Variants in CFAP206 observed in about 807,000 individuals in gnomAD.
CFAP206 encodes cilia- and flagella-associated protein 206.
Under a neutral mutation model 65.4 loss-of-function variants are expected in CFAP206, and 53 were observed. The ratio of observed to expected loss-of-function variants is 0.81; its 90% CI spans 0.65 to 1.02. The LOEUF (loss-of-function observed/expected upper bound fraction) is 1.02, where lower values mean the gene tolerates loss of function less well. Among genes scored for constraint, CFAP206 ranks in the 50% least tolerant of loss-of-function variants. CFAP206 has a pLI of 0.00. For synonymous variants in CFAP206, 250 were observed against 254.4 expected, an observed-to-expected ratio of 0.98 and a Z score of 0.17; for missense variants, 663 against 753.2, an observed-to-expected ratio of 0.88 and a Z score of 1.40.
At chr6:87,420,446 G>A (rs1303533718) in intron 7 of CFAP206, among the ~76,000 whole-genome samples, 3 of 152,224 alleles carry the variant, frequency 2.0e-5, no homozygotes, top group Admixed American at 2.0e-4. Flanking sequence ...AGGACAGTGA[G>A]TAAAATGTAG....
chr6:87,416,580 A>G (rs1767832894), intron 5 of CFAP206, 89 bp from the exon 6 acceptor site: 1 of 1,217,978 alleles, frequency 8.2e-7, no homozygotes, highest in Non-Finnish European at 1.1e-6. Context: ...CAGACCCTTA[A>G]CTTGCTGCTA....
At chr6:87,427,639 C>G (rs1231318646) in intron 8 of CFAP206, among the ~76,000 whole-genome samples, 1 of 152,168 alleles carries the variant, frequency 6.6e-6, no homozygotes, top group African/African-American at 2.4e-5. Flanking sequence ...AAATATTTAA[C>G]TTGCAGCTCA....
chr6:87,453,617 T>C (rs1214992385), intron 11 of CFAP206, among the ~76,000 whole-genome samples: 4 of 152,164 alleles, frequency 2.6e-5, no homozygotes, highest in Non-Finnish European at 5.9e-5. Context: ...GTAGAGTTTT[T>C]ATCAGTTTTT....
chr6:87,428,749 C>A lies in CFAP206; in HGVS notation c.1084C>A (p.Pro362Thr). The A allele has an allele frequency of 6.2e-7, 1 of 1,614,092 alleles. No individual in the cohort carries two copies. The highest frequency in any genetic ancestry group is 1.3e-5 in the African/African-American group (1 of 75,016). Reference sequence around the variant, plus strand: ...CTTGGGTGCTCACGAACTATACTTTCCTGAGAGAGTGATGCAATGTCATCT... The same window carrying A: ...CTTGGGTGCTCACGAACTATACTTTACTGAGAGAGTGATGCAATGTCATCT... ...PFLGAHELYF[P>T]ERVMQCHLNG... The change falls in exon 9 of 13, where the codon CCT becomes ACT. Residue 362 changes from proline to threonine, a missense_variant. By Grantham distance (38) the Pro-to-Thr change is conservative. Transcript: ENST00000369562.
chr6:87,448,679 C>CCACTAT (rs1768488595), intron 11 of CFAP206, among the ~76,000 whole-genome samples: 1 of 152,150 alleles, frequency 6.6e-6, no homozygotes, highest in Admixed American at 6.6e-5. Flanking sequence ...CCTCTGGTAA[C>CCACTAT]CACTATTCTA....
At chr6:87,424,631 T>C (rs1768005505) in intron 7 of CFAP206, among the ~76,000 whole-genome samples, 1 of 152,216 alleles carries the variant, frequency 6.6e-6, no homozygotes, top group South Asian at 2.1e-4. Flanking sequence ...ACCATGATTG[T>C]TGTATCAAAT....
chr6:87,437,937 A>G (rs999694127), intron 11 of CFAP206, among the ~76,000 whole-genome samples: 1 of 148,306 alleles, frequency 6.7e-6, no homozygotes, highest in Non-Finnish European at 1.5e-5. Flanking sequence ...TCTTGCCTCA[A>G]CCTCCCAAAG....
chr6:87,462,707 G>A (rs1768767474), intron 12 of CFAP206, among the ~76,000 whole-genome samples: 1 of 152,128 alleles, frequency 6.6e-6, no homozygotes, highest in African/African-American at 2.4e-5. Flanking sequence ...GGTATGGACT[G>A]GAAATGTTAA....
chr6:87,427,745 TTTAA>T (rs563674602), intron 8 of CFAP206, among the ~76,000 whole-genome samples: 50 of 152,270 alleles, frequency 3.3e-4, no homozygotes, highest in Admixed American at 1.2e-3. Flanking sequence ...TATTTAGCTT[TTTAA>T]TTTATTTTTT....
At chr6:87,456,475 C>G (rs1224136491) in intron 11 of CFAP206, among the ~76,000 whole-genome samples, 1 of 152,116 alleles carries the variant, frequency 6.6e-6, no homozygotes, top group Non-Finnish European at 1.5e-5. Context: ...CAAATATGCC[C>G]ACTTTTAACA....
intron 3 of CFAP206, among the ~76,000 whole-genome samples, chr6:87,412,785 C>T (rs1486889599): frequency 6.6e-6 from 1 of 152,092 alleles, no homozygotes; most frequent in Non-Finnish European, 1.5e-5. Context: ...CTCAGCCTCC[C>T]GAGTAGCTGG....
intron 11 of CFAP206, among the ~76,000 whole-genome samples, chr6:87,459,760 C>G (rs1391775656): frequency 6.6e-6 from 1 of 152,144 alleles, no homozygotes; most frequent in Admixed American, 6.5e-5. Flanking sequence ...TTGTAAGATA[C>G]CCCAAGGACA....
At chr6:87,423,171 A>G (rs1388122816) in intron 7 of CFAP206, among the ~76,000 whole-genome samples, 2 of 151,596 alleles carry the variant, frequency 1.3e-5, no homozygotes, top group Non-Finnish European at 2.9e-5. Flanking sequence ...CACCTGCCTC[A>G]GCCTCCCAAA....
chr6:87,420,727 T>C (rs1040845843), intron 7 of CFAP206, among the ~76,000 whole-genome samples: 2 of 152,222 alleles, frequency 1.3e-5, no homozygotes, highest in Non-Finnish European at 2.9e-5. Context: ...TTCATTTGTC[T>C]AGTGGAACAA....
intron 7 of CFAP206, among the ~76,000 whole-genome samples, chr6:87,424,435 C>G (rs754526093): frequency 2.0e-5 from 3 of 151,940 alleles, no homozygotes; most frequent in Non-Finnish European, 4.4e-5. Flanking sequence ...GGTGCCACCA[C>G]GCCCAGCTAA....
chr6:87,415,983 GAAA>G (rs34892535), intron 5 of CFAP206, 109 bp downstream of exon 5: 17,985 of 543,256 alleles, frequency 0.033, 212 homozygotes, highest in African/African-American at 0.053. Flanking sequence ...CTTTTTATCT[GAAA>G]AAAAAAAAAA....
At chr6:87,427,197 G>A (rs1768057256) in intron 8 of CFAP206, among the ~76,000 whole-genome samples, 1 of 152,152 alleles carries the variant, frequency 6.6e-6, no homozygotes, top group Non-Finnish European at 1.5e-5. Context: ...GAGTGCAGTG[G>A]TGCAATCTCG....
chr6:87,458,280 A>G lies in CFAP206; in HGVS notation c.1495-2742A>G, dbSNP rs559475705. 1.6e-3 allele frequency among the ~76,000 whole-genome samples: 240 copies of G among 152,236 alleles called. 2 individuals are homozygous for G. Among genetic ancestry groups the G allele is most frequent in the African/African-American group, 5.6e-3 (232 of 41,546 alleles). On this transcript the variant is annotated intron_variant, in intron 11 of 12. Coordinates refer to ENST00000369562, the MANE Select transcript of CFAP206 (RefSeq NM_001031743.3). ...GTATAGAAGTTCCTAAAAAAACTAT[A>G]TAGAAATACCATGTGATCCTGCAAT...
intron 11 of CFAP206, among the ~76,000 whole-genome samples, chr6:87,437,825 ATTTTTTT>A (rs1206669821): frequency 2.9e-5 from 3 of 104,496 alleles, no homozygotes; most frequent in Non-Finnish European, 3.9e-5. Flanking sequence ...TGCCTGGCTA[ATTTTTTT>A]TTTTTTTTTT....
Sources: allele counts gnomAD v4.1 joint callset (sites outside exome capture counted in the v4.1 genomes callset), GRCh38; gene constraint gnomAD v4.1.1; transcripts MANE v1.5; gene names NCBI Gene and HGNC (gene_info 2026-07-23, HGNC 2026-07-21).